Variants in NYAP2 observed in about 807,000 individuals in gnomAD.
The protein encoded by NYAP2 is neuronal tyrosine-phosphorylated phosphoinositide-3-kinase adapter 2.
A neutral mutation model predicts 50.4 loss-of-function variants in NYAP2; 23 were observed. The ratio of observed to expected loss-of-function variants is 0.46; its 90% CI spans 0.33 to 0.65. NYAP2 has a LOEUF of 0.65. NYAP2 is among the 30% of genes least tolerant of loss of function. NYAP2 has a pLI of 0.02. For synonymous variants in NYAP2, 394 were observed against 365.2 expected, an observed-to-expected ratio of 1.08 and a Z score of -0.90; for missense variants, 885 against 861.0, an observed-to-expected ratio of 1.03 and a Z score of -0.35.
At chr2:225,607,375 A>T (rs552591900) in intron 5 of NYAP2, among the ~76,000 whole-genome samples, 1 of 152,196 alleles carries the variant, frequency 6.6e-6, no homozygotes, top group East Asian at 1.9e-4. Context: ...CATTACTATG[A>T]TGGGGGCAGT....
chr2:225,579,090 G>A (rs1200842146), intron 4 of NYAP2, among the ~76,000 whole-genome samples: 1 of 149,702 alleles, frequency 6.7e-6, no homozygotes, highest in Admixed American at 6.7e-5. Context: ...AGAGAGAAGA[G>A]AGGGGAGAGA....
At chr2:225,545,956 G>A (rs796480749) in intron 4 of NYAP2, among the ~76,000 whole-genome samples, 2 of 152,122 alleles carry the variant, frequency 1.3e-5, no homozygotes, top group African/African-American at 4.8e-5. Context: ...TACTGCCTTG[G>A]TGGTCTTGGA....
chr2:225,598,260 A>G (rs1033367848), intron 5 of NYAP2, among the ~76,000 whole-genome samples: 1 of 152,102 alleles, frequency 6.6e-6, no homozygotes, highest in Admixed American at 6.5e-5. Context: ...CAGCAGAAGA[A>G]AAAGCTTCAA....
intron 3 of NYAP2, among the ~76,000 whole-genome samples, chr2:225,448,162 G>A (rs1038788931): frequency 6.6e-6 from 1 of 152,156 alleles, no homozygotes; most frequent in Non-Finnish European, 1.5e-5. Context: ...GCACTTTGGT[G>A]GAAAAAGAAA....
the NYAP2 span, among the ~76,000 whole-genome samples, chr2:225,666,997 G>A: frequency 6.6e-5 from 10 of 151,892 alleles, no homozygotes; most frequent in Non-Finnish European, 1.5e-4. Context: ...AGTAAGTCAC[G>A]GTATATAGGG....
chr2:225,514,783 G>A (rs545244998), intron 4 of NYAP2, among the ~76,000 whole-genome samples: 28 of 152,206 alleles, frequency 1.8e-4, no homozygotes, highest in South Asian at 6.2e-4. Flanking sequence ...TGAGAGAGGC[G>A]TTCCACCAGG....
intron 5 of NYAP2, among the ~76,000 whole-genome samples, chr2:225,619,492 A>G (rs537955113): frequency 4.8e-4 from 73 of 152,332 alleles, no homozygotes; most frequent in African/African-American, 1.7e-3. Context: ...GAGTGAATCA[A>G]TGTTGATGAG....
At chr2:225,652,636 T>C (rs919129119) in exon 7 of NYAP2, 1 of 152,220 alleles carries the variant, frequency 6.6e-6, no homozygotes, top group Admixed American at 6.5e-5. Flanking sequence ...GAATGTTTTC[T>C]CTCTGCTTCC....
At chr2:225,544,574 A>G (rs1167017471) in intron 4 of NYAP2, among the ~76,000 whole-genome samples, 1 of 152,000 alleles carries the variant, frequency 6.6e-6, no homozygotes, top group East Asian at 1.9e-4. Flanking sequence ...AAAACTTTAC[A>G]CTTTAACTTC....
intron 4 of NYAP2, among the ~76,000 whole-genome samples, chr2:225,543,352 T>G (rs1173257042): frequency 2.6e-5 from 4 of 151,964 alleles, no homozygotes; most frequent in African/African-American, 9.7e-5. Flanking sequence ...TTTAGGTAAT[T>G]TATTTGAAGT....
intron 3 of NYAP2, among the ~76,000 whole-genome samples, chr2:225,411,016 A>T (rs891664322): frequency 2.0e-5 from 3 of 152,192 alleles, no homozygotes; most frequent in African/African-American, 4.8e-5. Context: ...GATAACTCAG[A>T]TCACACATTG....
At chr2:225,632,584 G>C (rs931868516) in intron 6 of NYAP2, among the ~76,000 whole-genome samples, 1 of 152,170 alleles carries the variant, frequency 6.6e-6, no homozygotes, top group Non-Finnish European at 1.5e-5. Flanking sequence ...TGGTTGCTGG[G>C]GTACTTCGTT....
chr2:225,517,623 A>C (rs915289539), intron 4 of NYAP2, among the ~76,000 whole-genome samples: 1 of 152,186 alleles, frequency 6.6e-6, no homozygotes, highest in African/African-American at 2.4e-5. Context: ...CTGGTGAACT[A>C]ATGCCAATGA....
chr2:225,684,605 G>A, the NYAP2 span, among the ~76,000 whole-genome samples: 2 of 151,670 alleles, frequency 1.3e-5, no homozygotes, highest in African/African-American at 4.8e-5. Flanking sequence ...AGGCTGGAGT[G>A]CAGTGGCATG....
chr2:225,570,147 T>C (rs1692040844), intron 4 of NYAP2, among the ~76,000 whole-genome samples: 1 of 152,180 alleles, frequency 6.6e-6, no homozygotes, highest in Admixed American at 6.5e-5. Flanking sequence ...ACTTGTGATA[T>C]ACACTGTGAA....
rs1407172916 is a variant in NYAP2, at chr2:225,493,629, C to T, written c.222-19742C>T. Among the ~76,000 whole-genome samples the T allele has an allele frequency of 2.0e-5, 3 of 152,322 alleles. No individual in the cohort carries two copies. The East Asian group carries it at 5.8e-4, about 29-fold the overall frequency. On this transcript the variant is annotated intron_variant, in intron 3 of 6. Transcript: ENST00000636099. The stretch of plus-strand genomic sequence containing the variant: ...TCTCACCTGGATTCGTGCATTTGCG[C>T]AATTGCTTCCTAATTGACTTCTCAG...
At chr2:225,482,550 G>A (rs1274640589) in intron 3 of NYAP2, among the ~76,000 whole-genome samples, 1 of 152,168 alleles carries the variant, frequency 6.6e-6, no homozygotes, top group African/African-American at 2.4e-5. Flanking sequence ...AATAGAAAGA[G>A]AGTGTGGGGT....
chr2:225,501,166 C>T (rs1690599307), intron 3 of NYAP2, among the ~76,000 whole-genome samples: 1 of 152,184 alleles, frequency 6.6e-6, no homozygotes, highest in Non-Finnish European at 1.5e-5. Context: ...ACAGTTCTTA[C>T]TAATAGGAAC....
intron 5 of NYAP2, among the ~76,000 whole-genome samples, chr2:225,626,452 A>C (rs1693211658): frequency 6.6e-6 from 1 of 152,192 alleles, no homozygotes; most frequent in Admixed American, 6.6e-5. Flanking sequence ...AAGCCAAGAG[A>C]ATTGAAAATA....
Sources: allele counts gnomAD v4.1 joint callset (sites outside exome capture counted in the v4.1 genomes callset), GRCh38; gene constraint gnomAD v4.1.1; transcripts MANE v1.5; gene names NCBI Gene and HGNC (gene_info 2026-07-23, HGNC 2026-07-21).